FBXL7: variants seen among roughly 807,000 people sequenced by gnomAD.
The protein encoded by FBXL7 is F-box and leucine rich repeat protein 7.
In FBXL7, 12 loss-of-function variants were observed where a neutral mutation model predicts 38.3. That is an observed-to-expected ratio of 0.31 (90% CI 0.20 to 0.51). The LOEUF (loss-of-function observed/expected upper bound fraction) is 0.51, where lower values mean the gene tolerates loss of function less well. Ranked by LOEUF, FBXL7 falls within the 20% of genes least tolerant of loss-of-function variation. The probability of loss-of-function intolerance (pLI) is 0.98; values close to 1 mark genes in which losing one functional copy is unlikely to be tolerated. For synonymous variants in FBXL7, 297 were observed against 300.9 expected (o/e 0.99, Z 0.13); for missense variants, 567 against 676.4 (o/e 0.84, Z 1.79).
chr5:15,798,110 C>G (rs1363556040), intron 2 of FBXL7, among the ~76,000 whole-genome samples: 1 of 152,200 alleles, frequency 6.6e-6, no homozygotes, highest in Non-Finnish European at 1.5e-5. Context: ...TGCCATTTCA[C>G]ATAGTTCTTC....
At chr5:15,782,312 G>C (rs907815069) in intron 2 of FBXL7, among the ~76,000 whole-genome samples, 5 of 152,146 alleles carry the variant, frequency 3.3e-5, no homozygotes, top group African/African-American at 1.2e-4. Context: ...CTTTAGAGTA[G>C]AATGATTTAT....
intron 2 of FBXL7, 94 bp downstream of exon 2, chr5:15,616,166 C>A: frequency 1.2e-6 from 1 of 814,470 alleles, no homozygotes; most frequent in East Asian, 2.7e-5. Flanking sequence ...GTTCTATTCT[C>A]CTGAGTGGGA....
chr5:15,611,395 T>A (rs1582998), intron 1 of FBXL7, among the ~76,000 whole-genome samples: 1 of 151,406 alleles, frequency 6.6e-6, no homozygotes, highest in African/African-American at 2.4e-5. Flanking sequence ...AAGAGCTGTA[T>A]AGTGTTCCTA....
rs73754137 is a variant in FBXL7, at chr5:15,555,400, A to G, written c.37+54687A>G. ...AGGCATCAAAGCCAGTAACTGTGGAACAGGTGGGATCACTTTGGTTACAAG... is the reference window on the plus strand; with the variant it reads ...AGGCATCAAAGCCAGTAACTGTGGAGCAGGTGGGATCACTTTGGTTACAAG... On this transcript the variant is annotated intron_variant, in intron 1 of 3. Transcript: ENST00000504595. 3.7e-3 allele frequency among the ~76,000 whole-genome samples: 558 copies of G among 152,288 alleles called. 5 individuals are homozygous for G. Among genetic ancestry groups the G allele is most frequent in the African/African-American group, 0.013 (532 of 41,566 alleles).
At chr5:15,730,681 A>G (rs967468985) in intron 2 of FBXL7, among the ~76,000 whole-genome samples, 2 of 152,180 alleles carry the variant, frequency 1.3e-5, no homozygotes, top group South Asian at 2.1e-4. Context: ...GCATCCTACT[A>G]TGAATGTATG....
chr5:15,874,497 T>C (rs1158736928), intron 2 of FBXL7, among the ~76,000 whole-genome samples: 1 of 152,214 alleles, frequency 6.6e-6, no homozygotes, highest in Non-Finnish European at 1.5e-5. Context: ...GCAGATGACA[T>C]GATTTTATAT....
intron 2 of FBXL7, among the ~76,000 whole-genome samples, chr5:15,846,923 A>G (rs1164544981): frequency 1.3e-5 from 2 of 152,232 alleles, no homozygotes; most frequent in Non-Finnish European, 2.9e-5. Context: ...TATAGAAATT[A>G]AAAATTATAA....
intron 2 of FBXL7, among the ~76,000 whole-genome samples, chr5:15,801,912 A>G (rs956422778): frequency 4.6e-5 from 7 of 152,040 alleles, no homozygotes; most frequent in African/African-American, 1.7e-4. Context: ...ATGTGTATCT[A>G]TCTCCATTTC....
intron 2 of FBXL7, among the ~76,000 whole-genome samples, chr5:15,854,121 G>C (rs1267940035): frequency 6.6e-6 from 1 of 152,082 alleles, no homozygotes; most frequent in African/African-American, 2.4e-5. Context: ...TATGTTACCA[G>C]AATACTCAGC....
chr5:15,804,521 T>C (rs954913432), intron 2 of FBXL7, among the ~76,000 whole-genome samples: 6 of 152,158 alleles, frequency 3.9e-5, no homozygotes, highest in Non-Finnish European at 7.4e-5. Flanking sequence ...TTGACCATTA[T>C]ATTATTTATA....
intron 2 of FBXL7, among the ~76,000 whole-genome samples, chr5:15,639,548 C>T (rs1039741976): frequency 1.3e-5 from 2 of 151,884 alleles, no homozygotes; most frequent in Non-Finnish European, 1.5e-5. Flanking sequence ...TCCCCAGCCA[C>T]GTGGAACTGT....
At chr5:15,746,454 C>T (rs1021153089) in intron 2 of FBXL7, among the ~76,000 whole-genome samples, 4 of 151,998 alleles carry the variant, frequency 2.6e-5, no homozygotes, top group Non-Finnish European at 5.9e-5. Context: ...GCTGAGAAGT[C>T]CAAGATCAAG....
At chr5:15,875,635 C>T (rs906732110) in intron 2 of FBXL7, among the ~76,000 whole-genome samples, 1 of 152,008 alleles carries the variant, frequency 6.6e-6, no homozygotes, top group Non-Finnish European at 1.5e-5. Flanking sequence ...TTTATACGGC[C>T]AGCAAACATG....
At chr5:15,601,810 A>G (rs1739802808) in intron 1 of FBXL7, among the ~76,000 whole-genome samples, 1 of 152,222 alleles carries the variant, frequency 6.6e-6, no homozygotes, top group South Asian at 2.1e-4. Context: ...ATGTTGGAGT[A>G]TCTGCTGGGT....
chr5:15,590,910 G>T (rs1205787779), intron 1 of FBXL7, among the ~76,000 whole-genome samples: 1 of 152,106 alleles, frequency 6.6e-6, no homozygotes, highest in Non-Finnish European at 1.5e-5. Flanking sequence ...ATTATTTTAT[G>T]TTCTGTCTCT....
At chr5:15,822,638 T>TC (rs1738203098) in intron 2 of FBXL7, among the ~76,000 whole-genome samples, 1 of 145,566 alleles carries the variant, frequency 6.9e-6, no homozygotes, top group Non-Finnish European at 1.6e-5. Context: ...TTTTTTTTTT[T>TC]TTTCTTGCAG....
chr5:15,516,027 T>C (rs899143889), intron 1 of FBXL7, among the ~76,000 whole-genome samples: 2 of 152,194 alleles, frequency 1.3e-5, no homozygotes, highest in Non-Finnish European at 2.9e-5. Flanking sequence ...GCTACTACTT[T>C]AGAAAACATT....
At chr5:15,549,826 A>T (rs1227767594) in intron 1 of FBXL7, among the ~76,000 whole-genome samples, 1 of 152,176 alleles carries the variant, frequency 6.6e-6, no homozygotes, top group Non-Finnish European at 1.5e-5. Flanking sequence ...TTTCTGTTAG[A>T]TGCTAGGGTG....
intron 2 of FBXL7, among the ~76,000 whole-genome samples, chr5:15,916,442 TG>T (rs1741586926): frequency 6.6e-6 from 1 of 152,148 alleles, no homozygotes; most frequent in Non-Finnish European, 1.5e-5. Context: ...TGAAGCCTTG[TG>T]GGCCGTGAGC....
Sources: allele counts gnomAD v4.1 joint callset (sites outside exome capture counted in the v4.1 genomes callset), GRCh38; gene constraint gnomAD v4.1.1; transcripts MANE v1.5; gene names NCBI Gene and HGNC (gene_info 2026-07-23, HGNC 2026-07-21).